RYR2: variants seen among roughly 807,000 people sequenced by gnomAD.
RYR2 encodes the protein ryanodine receptor 2.
A neutral mutation model predicts 601.1 loss-of-function variants in RYR2; 227 were observed. The ratio of observed to expected loss-of-function variants is 0.38; its 90% CI spans 0.34 to 0.42. The LOEUF (loss-of-function observed/expected upper bound fraction) is 0.42. Among genes scored for constraint, RYR2 ranks in the 10% least tolerant of loss-of-function variants. The pLI, the probability that RYR2 is intolerant of heterozygous loss-of-function variation, is 1.00. For synonymous variants in RYR2, 2,223 were observed against 2,175.1 expected, an observed-to-expected ratio of 1.02 and a Z score of -0.61; for missense variants, 4,646 against 6,156.5, an observed-to-expected ratio of 0.75 and a Z score of 8.21.
At chr1:237,624,859 C>G (rs145732418) in intron 39 of RYR2, among the ~76,000 whole-genome samples, 1 of 151,962 alleles carries the variant, frequency 6.6e-6, no homozygotes, top group Non-Finnish European at 1.5e-5. Context: ...CTGGTTTAAC[C>G]GGTGGTTATC....
At chr1:237,831,364 C>A (rs1663766350) in intron 103 of RYR2, 150 bp from the exon 104 acceptor site, 1 of 572,490 alleles carries the variant, frequency 1.7e-6, no homozygotes. Flanking sequence ...TTTCCTCTTT[C>A]TGGTACACTA....
rs1274422759 is a variant in RYR2, at chr1:237,469,096, T to C, written c.1617T>C (p.Ala539=). 2 of 1,612,674 alleles carry C rather than the reference T, an allele frequency of 1.2e-6. No homozygotes were observed. The highest frequency in any genetic ancestry group is 2.7e-5 in the African/African-American group (2 of 74,840). ...ILNSLYELLA[A]LIRGNRKNCA... ...AATCTATTTCTTCTTTTGCAGCGGC[T>C]CTAATTAGAGGAAATCGTAAAAACT... The change falls in exon 17 of 105, where the codon GCT becomes GCC. Residue 539 remains alanine (A), a synonymous_variant. Transcript: ENST00000366574.
At chr1:237,329,302 C>T (rs1275202883) in intron 2 of RYR2, among the ~76,000 whole-genome samples, 1 of 151,958 alleles carries the variant, frequency 6.6e-6, no homozygotes, top group Admixed American at 6.6e-5. Context: ...CCTGCCTCAG[C>T]CCTCTGAATA....
chr1:237,529,890 T>C (rs2805446), intron 24 of RYR2, among the ~76,000 whole-genome samples: 118,004 of 151,596 alleles, frequency 0.78, 46,178 homozygotes, highest in East Asian at 0.9. Context: ...GGAAACAGAA[T>C]TAGAAGAAGT....
At chr1:237,122,492 G>A (rs1670903301) in intron 1 of RYR2, among the ~76,000 whole-genome samples, 1 of 152,106 alleles carries the variant, frequency 6.6e-6, no homozygotes, top group South Asian at 2.1e-4. Flanking sequence ...GACCAGCCTG[G>A]CCAACATGGT....
chr1:237,158,454 T>C (rs1675637987), intron 1 of RYR2, among the ~76,000 whole-genome samples: 1 of 152,218 alleles, frequency 6.6e-6, no homozygotes, highest in South Asian at 2.1e-4. Flanking sequence ...CATATATGCC[T>C]TCTCCCGGGC....
intron 14 of RYR2, among the ~76,000 whole-genome samples, chr1:237,453,770 G>T (rs4351630): frequency 0.52 from 79,242 of 151,986 alleles, 22,099 homozygotes; most frequent in East Asian, 0.74. Context: ...CTCAACAAAT[G>T]AACACATTTA....
intron 49 of RYR2, 49 bp downstream of exon 49, chr1:237,648,662 G>A (rs182564875): frequency 1.3e-6 from 2 of 1,540,644 alleles, no homozygotes; most frequent in Admixed American, 4.1e-5. Flanking sequence ...TTCACTCTGT[G>A]CCTTATGATG....
intron 25 of RYR2, among the ~76,000 whole-genome samples, chr1:237,546,213 G>A (rs1484794823): frequency 2.0e-5 from 3 of 151,936 alleles, no homozygotes; most frequent in African/African-American, 7.2e-5. Context: ...TATTTAAAAT[G>A]GAACAAAATT....
At chr1:237,153,415 T>C (rs1250540700) in intron 1 of RYR2, among the ~76,000 whole-genome samples, 1 of 152,164 alleles carries the variant, frequency 6.6e-6, no homozygotes, top group Non-Finnish European at 1.5e-5. Context: ...GTTCTGTGTG[T>C]GTGTGTTTTA....
chr1:237,492,870 A>AGGAAGGAAGGAAGGAAGGAG (rs1558912518), intron 18 of RYR2, 84 bp from the exon 19 acceptor site: 1 of 1,257,516 alleles, frequency 8.0e-7, no homozygotes, highest in African/African-American at 2.7e-5. Flanking sequence ...GAAGGAAGGA[A>AGGAAGGAAGGAAGGAAGGAG]GAAGGGAAGG....
At chr1:237,640,784 A>G in intron 46 of RYR2, 113 bp from the exon 47 acceptor site, 4 of 803,418 alleles carry the variant, frequency 5.0e-6, no homozygotes, top group Non-Finnish European at 8.2e-6. Flanking sequence ...TATGAAACAT[A>G]TCAGAAAAAT....
In RYR2 at chr1:237,614,100, C is replaced by G. The variant is rs767540663; in HGVS notation, c.4972C>G (p.Leu1658Val). The change falls in exon 37 of 105, where the codon CTC becomes GTC. Residue 1658 changes from leucine to valine, a missense_variant. By Grantham distance (32) the Leu-to-Val change is conservative. This residue lies in a region of RYR2 where 1,807 missense variants were observed against 2,088.1 expected (regional missense o/e 0.87). Transcript: ENST00000366574. This position sits in a 1 kb window ranked among gnomAD's most constrained non-coding sequence, Gnocchi z 4.3. ...ATTGCTGAAATTTCACTATCACACT[C>G]TCCGGCTCTACTCAGCCGTCTGTGC... ...EELLKFHYHT[L>V]RLYSAVCALG... is the part of the protein sequence containing the mutation. 1.2e-6 allele frequency: 2 copies of G among 1,614,050 alleles called. No homozygotes were observed. Among genetic ancestry groups the G allele is most frequent in the Non-Finnish European group, 8.5e-7 (1 of 1,179,900 alleles).
At position 237,328,201 on chromosome 1, in the gene RYR2, T is replaced by C. The variant is rs373900280; in HGVS notation, c.169-2677T>C. Among the ~76,000 whole-genome samples, 14 of 152,306 alleles carry C rather than the reference T, an allele frequency of 9.2e-5. 1 individual carries two copies. The highest frequency in any genetic ancestry group is 3.4e-4 in the African/African-American group (14 of 41,558). On this transcript the variant is annotated intron_variant, in intron 2 of 104. Coordinates refer to ENST00000366574, the MANE Select transcript of RYR2 (RefSeq NM_001035.3). ...CACACCATTTGATAACATAGCGCCC[T>C]TTCAGCAGTGCCAAAGTATAAGCCC...
At chr1:237,659,920 T>C in intron 54 of RYR2, 65 bp from the exon 55 acceptor site, 1 of 1,037,808 alleles carries the variant, frequency 9.6e-7, no homozygotes, top group Non-Finnish European at 1.4e-6. Flanking sequence ...CTTAAACACC[T>C]GCATATCTAC....
rs1361139621 is a variant in RYR2, at chr1:237,638,902, T to C, written c.6929-113T>C. ...GGATTACATTTTGGCTTTATTAGTA[T>C]ATTGTTGGGTTTTAGTTATTCTTAT... On this transcript the variant is annotated intron_variant, in intron 45 of 104. Transcript: ENST00000366574. The C allele has an allele frequency of 1.8e-5, 22 of 1,233,584 alleles. No individual in the cohort carries two copies. In the Admixed American group the frequency reaches 4.7e-4, roughly 26 times the overall value. 76.4% of individuals were successfully genotyped at this position (1,233,584 alleles called of 1,614,324 possible).
chr1:237,806,068 C>A (rs1224864838), intron 98 of RYR2, 69 bp from the exon 99 acceptor site: 4 of 1,383,370 alleles, frequency 2.9e-6, no homozygotes, highest in Admixed American at 3.6e-5. Flanking sequence ...GCTTATTTTG[C>A]TTAACCCATA....
chr1:237,205,614 A>T (rs893608504), intron 1 of RYR2, among the ~76,000 whole-genome samples: 1 of 152,224 alleles, frequency 6.6e-6, no homozygotes, highest in Non-Finnish European at 1.5e-5. Context: ...GTGGCCTCAC[A>T]TCACCTATGC....
intron 1 of RYR2, among the ~76,000 whole-genome samples, chr1:237,114,577 C>A (rs1406358697): frequency 2.6e-5 from 4 of 152,202 alleles, no homozygotes; most frequent in African/African-American, 9.6e-5. Context: ...CTTCCATTTA[C>A]CTCACTCCAG....
Sources: allele counts gnomAD v4.1 joint callset (sites outside exome capture counted in the v4.1 genomes callset), GRCh38; gene constraint gnomAD v4.1.1; regional missense constraint gnomAD v4.1.1; non-coding constraint Gnocchi (gnomAD v3.1); transcripts MANE v1.5; gene names NCBI Gene and HGNC (gene_info 2026-07-23, HGNC 2026-07-21).